The following KMT2E variants were observed in gnomAD, a reference collection of about 807,000 sequenced individuals.
KMT2E encodes the protein histone reader KMT2E.
In KMT2E, 30 loss-of-function variants were observed where a neutral mutation model predicts 184.6. The ratio of observed to expected loss-of-function variants is 0.16; its 90% CI spans 0.12 to 0.22. KMT2E has a LOEUF of 0.22. KMT2E is among the 10% of genes least tolerant of loss of function. The pLI is 1.00. For missense variants in KMT2E, 2,023 were observed against 2,237.4 expected (o/e 0.90, Z 1.93); for synonymous variants, 815 against 776.5 (o/e 1.05, Z -0.82).
At chr7:105,091,424 G>A (rs1162408381) in intron 15 of KMT2E, 110 bp downstream of exon 15, 2 of 716,780 alleles carry the variant, frequency 2.8e-6, no homozygotes, top group East Asian at 2.6e-5. Context: ...AGCGAATGAT[G>A]TGCCATTGAG....
intron 1 of KMT2E, among the ~76,000 whole-genome samples, chr7:105,027,319 G>A (rs1047791211): frequency 6.6e-6 from 1 of 151,980 alleles, no homozygotes; most frequent in East Asian, 1.9e-4. Flanking sequence ...TAACTCCTGG[G>A]ATCAAACAGT....
chr7:105,071,127 A>T (rs1021349259), intron 6 of KMT2E, among the ~76,000 whole-genome samples: 78 of 152,276 alleles, frequency 5.1e-4, no homozygotes, highest in Non-Finnish European at 1.2e-4. Context: ...TCTCTTAAAA[A>T]TATATGCTGA....
rs1180571179 is a variant in KMT2E, at chr7:105,114,516, A to G, written c.*1183A>G. ...AACGTTTTTATTGCTAAAATATAAAATGCTAGTTAGTTATTAATTATTAAT... is the reference window on the plus strand; with the variant it reads ...AACGTTTTTATTGCTAAAATATAAAGTGCTAGTTAGTTATTAATTATTAAT... On this transcript the variant is annotated 3_prime_UTR_variant, in exon 27 of 27. Coordinates refer to ENST00000311117, the MANE Select transcript of KMT2E (RefSeq NM_182931.3). 6.6e-6 allele frequency among the ~76,000 whole-genome samples: 1 copy of G among 152,202 alleles called. No individual in the cohort carries two copies. The highest frequency in any genetic ancestry group is 1.5e-5 in the Non-Finnish European group (1 of 68,032).
chr7:105,101,613 A>G, intron 16 of KMT2E, 24 bp downstream of exon 16: 1 of 1,495,490 alleles, frequency 6.7e-7, no homozygotes, highest in South Asian at 1.4e-5. Flanking sequence ...AGGTCGTTTT[A>G]TTTTCTTAAA....
chr7:105,112,690 A>G lies in KMT2E; in HGVS notation c.4934A>G (p.Asn1645Ser), dbSNP rs756494909. The change falls in exon 27 of 27, where the codon AAT (asparagine) becomes AGT (serine). Residue 1645 changes from asparagine (N) to serine (S), a missense_variant. Physicochemically the swap from Asn to Ser is conservative, Grantham distance 46. Transcript: ENST00000311117. ...APGPHLVQQP[N>S]SHQQHSVAHV... ...GGACCGCACCTTGTACAACAGCCGA[A>G]TTCCCATCAGCAACACTCTGTAGCA... 8.1e-6 allele frequency: 13 copies of G among 1,613,626 alleles called. No homozygotes were observed. The South Asian group carries it at 1.4e-4, about 18-fold the overall frequency.
At chr7:105,044,897 C>G (rs766196467) in intron 3 of KMT2E, among the ~76,000 whole-genome samples, 2 of 152,196 alleles carry the variant, frequency 1.3e-5, no homozygotes, top group Non-Finnish European at 2.9e-5. Context: ...AGCCTTACCA[C>G]ACTATTTGTT....
chr7:105,058,334 G>C (rs2129566804), intron 3 of KMT2E, among the ~76,000 whole-genome samples: 1 of 152,246 alleles, frequency 6.6e-6, no homozygotes, highest in East Asian at 1.9e-4. Context: ...AACTCCTAAT[G>C]ATGATATTAA....
At position 105,114,687 on chromosome 7, in the gene KMT2E, C is replaced by G. The variant is rs988396823; in HGVS notation, c.*1354C>G. Among the ~76,000 whole-genome samples, 1 of 152,172 alleles carries G rather than the reference C, an allele frequency of 6.6e-6. No individual in the cohort carries two copies. The highest frequency in any genetic ancestry group is 2.4e-5 in the African/African-American group (1 of 41,442). On this transcript the variant is annotated 3_prime_UTR_variant, in exon 27 of 27. Transcript: ENST00000311117. ...CATAATTTGGCACAGGATACAAATT[C>G]TGTGCATCAGAGAAAGTAAACACTA...
At chr7:105,071,574 G>GTA (rs1405859926) in intron 6 of KMT2E, among the ~76,000 whole-genome samples, 21 of 58,960 alleles carry the variant, frequency 3.6e-4, no homozygotes, top group African/African-American at 1.6e-3. Flanking sequence ...ATGTATGTAT[G>GTA]TGTGTGTGTA....
In KMT2E at chr7:105,091,292, T is replaced by C. The variant is rs573946129; in HGVS notation, c.1700T>C (p.Ile567Thr). Residue 567 changes from isoleucine to threonine, a missense_variant, in exon 15 of 27, where the codon ATT (isoleucine) becomes ACT (threonine). By Grantham distance (89) the Ile-to-Thr change is moderately conservative (BLOSUM62 -1). Coordinates refer to ENST00000311117, the MANE Select transcript of KMT2E (RefSeq NM_182931.3). ...GTAGAAATGGAATCAGAGGAGCAGA[T>C]TGCAGAAAGGAAAAGGAAGATGGTA... ...NEVEMESEEQ[I>T]AERKRKMTRE... The C allele has an allele frequency of 2.8e-5, 45 of 1,604,044 alleles. No homozygotes were observed. The East Asian group carries it at 3.8e-4, about 14-fold the overall frequency.
chr7:105,082,747 GT>G, intron 13 of KMT2E, among the ~76,000 whole-genome samples: 1 of 152,228 alleles, frequency 6.6e-6, no homozygotes, highest in South Asian at 2.1e-4. Context: ...CTCTAAAAAT[GT>G]TTCTATATGG....
chr7:105,098,114 T>C (rs945860928), intron 15 of KMT2E, among the ~76,000 whole-genome samples: 1 of 152,236 alleles, frequency 6.6e-6, no homozygotes, highest in South Asian at 2.1e-4. Flanking sequence ...TTTATAAGTT[T>C]ATCTTTGTTA....
chr7:105,017,164 A>G (rs1467400247), intron 1 of KMT2E, among the ~76,000 whole-genome samples: 2 of 152,194 alleles, frequency 1.3e-5, no homozygotes, highest in African/African-American at 2.4e-5. Flanking sequence ...ACTATTCAAT[A>G]TACAAAATCA....
intron 1 of KMT2E, among the ~76,000 whole-genome samples, chr7:105,035,191 ATTT>A (rs762747433): frequency 7.1e-6 from 1 of 141,652 alleles, no homozygotes; most frequent in African/African-American, 2.6e-5. Context: ...AGCCTGGCTA[ATTT>A]TTTTTTTTTT....
chr7:105,101,657 T>G (rs1798660784), intron 16 of KMT2E, 68 bp downstream of exon 16: 2 of 1,281,480 alleles, frequency 1.6e-6, no homozygotes, highest in Admixed American at 6.1e-5. Flanking sequence ...CTTGCATTAA[T>G]TACTTATAAG....
chr7:105,062,115 A>G lies in KMT2E; in HGVS notation c.72-49A>G, dbSNP rs745841981. 3 of 1,149,698 alleles carry G rather than the reference A, an allele frequency of 2.6e-6. No homozygotes were observed. In the South Asian group the frequency reaches 3.8e-5, roughly 14 times the overall value. The allele number at this position is 1,149,698 out of a possible 1,614,324, so 71.2% of individuals were successfully genotyped here. On this transcript the variant is annotated intron_variant, in intron 3 of 26. Transcript: ENST00000311117. Reference sequence around the variant, plus strand: ...TATCATTTTAATTAAATTGATTAAGAGGAAAAAAAAAGAATGGAATTCTCT... The same window carrying G: ...TATCATTTTAATTAAATTGATTAAGGGGAAAAAAAAAGAATGGAATTCTCT...
intron 6 of KMT2E, among the ~76,000 whole-genome samples, chr7:105,071,617 T>A (rs1488828087): frequency 2.6e-4 from 30 of 117,310 alleles, no homozygotes; most frequent in African/African-American, 8.5e-4. Context: ...TATTTTTTTT[T>A]TTTTTTTTTT....
At chr7:105,039,333 G>T (rs1053404772) in intron 2 of KMT2E, 1 of 152,156 alleles carries the variant, frequency 6.6e-6, no homozygotes, top group Non-Finnish European at 1.5e-5. Context: ...TACCTAAGTA[G>T]ATTATTTTAG....
intron 1 of KMT2E, among the ~76,000 whole-genome samples, chr7:105,021,028 C>A (rs1185194936): frequency 6.6e-6 from 1 of 152,174 alleles, no homozygotes; most frequent in Non-Finnish European, 1.5e-5. Flanking sequence ...TCTCCAGTTC[C>A]TCTTACCATC....
Sources: gnomAD v4.1 joint callset for allele counts (sites outside exome capture counted in the v4.1 genomes callset) on GRCh38, gnomAD v4.1.1 for gene constraint, MANE v1.5 for transcripts, NCBI Gene and HGNC (gene_info 2026-07-23, HGNC 2026-07-21) for gene names.